Variants in EDA observed in about 807,000 individuals in gnomAD.
EDA encodes the protein ectodysplasin-A.
A neutral mutation model predicts 23.6 loss-of-function variants in EDA; 2 were observed. That is an observed-to-expected ratio of 0.08 (90% confidence interval 0.03 to 0.27). The LOEUF (loss-of-function observed/expected upper bound fraction) is 0.27. Among genes scored for constraint, EDA ranks in the 10% least tolerant of loss-of-function variants. The pLI is 1.00. For missense variants in EDA, 229 were observed against 324.2 expected, an observed-to-expected ratio of 0.71 and a Z score of 2.26; for synonymous variants, 131 against 132.0, an observed-to-expected ratio of 0.99 and a Z score of 0.05.
At chrX:69,819,325 C>G (rs1347423838) in intron 1 of EDA, among the ~76,000 whole-genome samples, 1 of 111,995 alleles carries the variant, frequency 8.9e-6, no homozygotes, top group Non-Finnish European at 1.9e-5. Context: ...AGGATCCCAT[C>G]TCTCACCACT....
chrX:69,781,000 G>A (rs982141295), intron 1 of EDA, among the ~76,000 whole-genome samples: 1 of 111,854 alleles, frequency 8.9e-6, no homozygotes, highest in Non-Finnish European at 1.9e-5. Context: ...CACACAATAT[G>A]CAGTCCTTTG....
chrX:69,757,070 A>T (rs577853107), intron 1 of EDA, among the ~76,000 whole-genome samples: 2 of 111,697 alleles, frequency 1.8e-5, no homozygotes, highest in South Asian at 7.4e-4. Flanking sequence ...ATTCTACTCA[A>T]ACCAAAGAAA....
intron 1 of EDA, among the ~76,000 whole-genome samples, chrX:69,631,381 C>CAAAA (rs1212176285): frequency 1.9e-5 from 1 of 52,852 alleles, no homozygotes; most frequent in African/African-American, 8.0e-5. Flanking sequence ...GACTCCGTGT[C>CAAAA]AAAAAAAAAA....
chrX:69,748,724 C>T (rs777684528), intron 1 of EDA, among the ~76,000 whole-genome samples: 2 of 111,274 alleles, frequency 1.8e-5, no homozygotes, highest in South Asian at 7.7e-4. Flanking sequence ...GGTCTTGGGT[C>T]AGTTAGTTAA....
intron 1 of EDA, among the ~76,000 whole-genome samples, chrX:69,640,988 A>C (rs1932833243): frequency 8.9e-6 from 1 of 112,072 alleles, no homozygotes; most frequent in Non-Finnish European, 1.9e-5. Flanking sequence ...CTGGGATTTA[A>C]ACCAAAATTT....
intron 1 of EDA, among the ~76,000 whole-genome samples, chrX:69,664,653 AAAT>A (rs1280569326): frequency 1.1e-5 from 1 of 88,499 alleles, no homozygotes; most frequent in African/African-American, 4.8e-5. Context: ...TTTTTAGGCC[AAAT>A]AATATTTCAT....
intron 1 of EDA, among the ~76,000 whole-genome samples, chrX:69,689,305 T>TA (rs2147295258): frequency 1.9e-5 from 2 of 107,472 alleles, no homozygotes; most frequent in South Asian, 8.3e-4. Flanking sequence ...GCCATGCTTT[T>TA]TTTTTTTTGA....
intron 1 of EDA, among the ~76,000 whole-genome samples, chrX:69,935,727 G>A (rs187937609): frequency 1.6e-3 from 176 of 109,801 alleles, no homozygotes; most frequent in Middle Eastern, 4.7e-3. Context: ...AATGATTACC[G>A]AAAAGTCTTC....
At chrX:69,803,284 C>T (rs1175044331) in intron 1 of EDA, among the ~76,000 whole-genome samples, 3 of 110,120 alleles carry the variant, frequency 2.7e-5, no homozygotes, top group Non-Finnish European at 3.8e-5. Context: ...TGATACCTAA[C>T]GTCACTCAGT....
intron 1 of EDA, among the ~76,000 whole-genome samples, chrX:69,683,850 G>A (rs1406118071): frequency 2.7e-5 from 3 of 112,454 alleles, no homozygotes; most frequent in African/African-American, 9.7e-5. Flanking sequence ...TATCCTAAGT[G>A]TTCAAGCTTA....
chrX:70,010,149 A>G (rs1365764006), intron 2 of EDA, among the ~76,000 whole-genome samples: 6 of 111,964 alleles, frequency 5.4e-5, no homozygotes, highest in African/African-American at 1.9e-4. Flanking sequence ...GGTACTATTC[A>G]GCTCAACTAT....
At chrX:69,630,900 G>A (rs1354886795) in intron 1 of EDA, among the ~76,000 whole-genome samples, 7 of 111,396 alleles carry the variant, frequency 6.3e-5, no homozygotes, top group African/African-American at 2.3e-4. Context: ...ATTGGAAATT[G>A]GGATACAGTA....
intron 1 of EDA, among the ~76,000 whole-genome samples, chrX:69,896,181 G>GA (rs1339123554): frequency 2.7e-5 from 3 of 111,115 alleles, no homozygotes; most frequent in Non-Finnish European, 5.7e-5. Context: ...ATATCTCTCT[G>GA]TAGATTCTAA....
At position 70,023,268 on chromosome X, in the gene EDA, T is replaced by A. The variant is rs2274469; in HGVS notation, c.526+27T>A. ...TAAGTTCCTGACTTTATAAAATTGC[T>A]GTCTTGTCATATATTTTCTAAAGTT... On this transcript the variant is annotated intron_variant, in intron 3 of 7. Transcript: ENST00000374552. The A allele has an allele frequency of 0.12, 127,632 of 1,065,288 alleles. 5,816 individuals carry two copies. The highest frequency in any genetic ancestry group is 0.15 in the South Asian group (7,608 of 49,819). 87.8% of individuals were successfully genotyped at this position (1,065,288 alleles called of 1,213,427 possible).
intron 1 of EDA, among the ~76,000 whole-genome samples, chrX:69,752,917 G>A (rs1331149224): frequency 9.0e-6 from 1 of 111,169 alleles, no homozygotes; most frequent in African/African-American, 3.3e-5. Flanking sequence ...GGGATCGGTG[G>A]TGATATCTCC....
chrX:69,769,284 T>C (rs1206238557), intron 1 of EDA, among the ~76,000 whole-genome samples: 1 of 112,100 alleles, frequency 8.9e-6, no homozygotes, highest in African/African-American at 3.2e-5. Flanking sequence ...AATCTCTGAA[T>C]ATAATTGTGT....
chrX:69,634,022 C>T (rs1469519861), intron 1 of EDA, among the ~76,000 whole-genome samples: 3 of 112,051 alleles, frequency 2.7e-5, no homozygotes, highest in East Asian at 2.8e-4. Context: ...CCTGCCAACG[C>T]TTGTTGTGAT....
intron 1 of EDA, among the ~76,000 whole-genome samples, chrX:69,671,102 G>C (rs1318299798): frequency 1.8e-5 from 2 of 111,545 alleles, no homozygotes; most frequent in Admixed American, 9.6e-5. Flanking sequence ...AGATGGGCCT[G>C]AGGGTGACAA....
intron 1 of EDA, among the ~76,000 whole-genome samples, chrX:69,653,681 C>G (rs1254382657): frequency 1.8e-5 from 2 of 110,111 alleles, no homozygotes; most frequent in Non-Finnish European, 3.8e-5. Flanking sequence ...ACAAACCTGA[C>G]AAAAACAAGC....
Sources: allele counts gnomAD v4.1 joint callset (sites outside exome capture counted in the v4.1 genomes callset), GRCh38; gene constraint gnomAD v4.1.1; transcripts MANE v1.5; gene names NCBI Gene and HGNC (gene_info 2026-07-23, HGNC 2026-07-21).